Variants in CADPS2 observed in about 807,000 individuals in gnomAD.
The protein encoded by CADPS2 is calcium dependent secretion activator 2, also known as calcium-dependent secretion activator 2.
In CADPS2, 93 loss-of-function variants were observed where a neutral mutation model predicts 172.5. The ratio of observed to expected loss-of-function variants is 0.54; its 90% CI spans 0.46 to 0.64. The LOEUF (loss-of-function observed/expected upper bound fraction) is 0.64, where lower values mean the gene tolerates loss of function less well. CADPS2 is among the 30% of genes least tolerant of loss of function. The pLI, the probability that CADPS2 is intolerant of heterozygous loss-of-function variation, is 0.00. For synonymous variants in CADPS2, 546 were observed against 555.2 expected (o/e 0.98, Z 0.23); for missense variants, 1,420 against 1,565.9 (o/e 0.91, Z 1.57).
At chr7:122,468,486 A>G (rs1328707936) in intron 14 of CADPS2, among the ~76,000 whole-genome samples, 1 of 152,228 alleles carries the variant, frequency 6.6e-6, no homozygotes, top group Non-Finnish European at 1.5e-5. Flanking sequence ...CATGAGGTAC[A>G]GTCCTAACTA....
In CADPS2 at chr7:122,504,936, C is replaced by A. The variant is rs187962065; in HGVS notation, c.1542+8313G>T. Among the ~76,000 whole-genome samples, 920 of 152,146 alleles carry A rather than the reference C, an allele frequency of 6.0e-3. 2 individuals carry two copies. Among genetic ancestry groups the A allele is most frequent in the Non-Finnish European group, 8.6e-3 (586 of 68,006 alleles). On this transcript the variant is annotated intron_variant, in intron 9 of 29. Transcript: ENST00000449022. ...GATGAAGATGTTTGGTGGAAGAATA[C>A]GTAAATTTATAAGAAACTGAGAAAG...
chr7:122,559,435 T>C (rs1265776604), intron 7 of CADPS2, among the ~76,000 whole-genome samples: 1 of 152,086 alleles, frequency 6.6e-6, no homozygotes, highest in Non-Finnish European at 1.5e-5. Flanking sequence ...CAAACACTCA[T>C]TACATTTTCT....
At chr7:122,787,290 G>A (rs1794271051) in intron 1 of CADPS2, among the ~76,000 whole-genome samples, 1 of 152,174 alleles carries the variant, frequency 6.6e-6, no homozygotes, top group Non-Finnish European at 1.5e-5. Context: ...TGACAGCAAT[G>A]TAAAAGTATC....
chr7:122,657,960 G>A (rs902521430), intron 3 of CADPS2, among the ~76,000 whole-genome samples: 2 of 152,022 alleles, frequency 1.3e-5, no homozygotes, highest in Admixed American at 6.6e-5. Flanking sequence ...GCAACCTACA[G>A]AATGGGAGAA....
At chr7:122,757,873 G>A (rs980078685) in intron 1 of CADPS2, among the ~76,000 whole-genome samples, 1 of 151,874 alleles carries the variant, frequency 6.6e-6, no homozygotes, top group African/African-American at 2.4e-5. Flanking sequence ...GACTCAATTA[G>A]TATGGATGTT....
chr7:122,411,821 GACGA>G (rs1049500475), intron 19 of CADPS2, among the ~76,000 whole-genome samples: 34 of 152,258 alleles, frequency 2.2e-4, no homozygotes, highest in African/African-American at 7.7e-4. Flanking sequence ...TTGAGGGACA[GACGA>G]ATGAACAGGT....
chr7:122,678,160 G>A (rs1161219719), intron 2 of CADPS2, among the ~76,000 whole-genome samples: 1 of 152,100 alleles, frequency 6.6e-6, no homozygotes, highest in Non-Finnish European at 1.5e-5. Context: ...GACCAGTGTG[G>A]GATGAAGTTT....
intron 24 of CADPS2, among the ~76,000 whole-genome samples, chr7:122,385,282 G>A (rs549481344): frequency 2.8e-4 from 43 of 151,782 alleles, no homozygotes; most frequent in African/African-American, 9.5e-4. Flanking sequence ...GTATGCTATG[G>A]TAATATAAAT....
intron 1 of CADPS2, among the ~76,000 whole-genome samples, chr7:122,838,992 C>T (rs771300461): frequency 1.3e-5 from 2 of 152,136 alleles, no homozygotes; most frequent in African/African-American, 4.8e-5. Context: ...GCCAAAAGAA[C>T]AAAGCTGGAG....
At chr7:122,461,535 GAA>G (rs2054433321) in intron 14 of CADPS2, among the ~76,000 whole-genome samples, 1 of 152,066 alleles carries the variant, frequency 6.6e-6, no homozygotes, top group African/African-American at 2.4e-5. Context: ...GCATCCAGAG[GAA>G]AAAGAGGAAT....
chr7:122,650,048 A>G (rs1320532454), intron 3 of CADPS2, among the ~76,000 whole-genome samples: 1 of 150,750 alleles, frequency 6.6e-6, no homozygotes, highest in Non-Finnish European at 1.5e-5. Context: ...AGCTGGGATT[A>G]CATGCGCGTG....
intron 14 of CADPS2, among the ~76,000 whole-genome samples, chr7:122,458,155 G>T (rs1024929880): frequency 2.6e-5 from 4 of 152,156 alleles, no homozygotes; most frequent in African/African-American, 9.7e-5. Flanking sequence ...AGTGAGAAGG[G>T]GAGAGACACC....
At chr7:122,557,798 C>T (rs907717963) in intron 7 of CADPS2, among the ~76,000 whole-genome samples, 1 of 152,328 alleles carries the variant, frequency 6.6e-6, no homozygotes, top group South Asian at 2.1e-4. Context: ...CAGTATAGAA[C>T]TGTTGCTAGT....
chr7:122,527,617 A>AGAGT lies in CADPS2; in HGVS notation c.1476-14303_1476-14302insACTC. On this transcript the variant is annotated intron_variant, in intron 8 of 29. Transcript: ENST00000449022. ...GAGAGAGAGAGAGAGAGAGAGAGAG[A>AGAGT]GTGTGTGTGTGTGTGTGTGTGTGTG... Among the ~76,000 whole-genome samples the AGAGT allele has an allele frequency of 7.6e-3, 636 of 83,860 alleles. 2 individuals are homozygous for AGAGT. The highest frequency in any genetic ancestry group is 0.017 in the South Asian group (39 of 2,286). The allele number at this position is 83,860 out of a possible 152,430, so 55.0% of individuals were successfully genotyped here.
At chr7:122,529,652 T>C (rs2131288027) in intron 8 of CADPS2, among the ~76,000 whole-genome samples, 1 of 152,226 alleles carries the variant, frequency 6.6e-6, no homozygotes, top group East Asian at 1.9e-4. Context: ...CCTCCCTGTC[T>C]TTTGGATGGC....
In CADPS2 at chr7:122,707,377, CAACT is replaced by C. The variant is rs2087751116; in HGVS notation, c.453+29574_453+29577del. Among the ~76,000 whole-genome samples, 4 of 152,040 alleles carry C rather than the reference CAACT, an allele frequency of 2.6e-5. No individual in the cohort carries two copies. In the South Asian group the frequency reaches 8.3e-4, roughly 32 times the overall value. ...TAACTATTATTAAGAGAGAAAAAAT[CAACT>C]AACTGACCTCTACCCCTCTGCTATT... is the stretch of plus-strand genomic sequence containing the variant. On this transcript the variant is annotated intron_variant, in intron 2 of 29. Coordinates refer to ENST00000449022, the MANE Select transcript of CADPS2 (RefSeq NM_017954.11).
chr7:122,685,912 T>G (rs952117045), intron 2 of CADPS2, among the ~76,000 whole-genome samples: 1 of 152,190 alleles, frequency 6.6e-6, no homozygotes, highest in African/African-American at 2.4e-5. Context: ...TTGGAGGGCC[T>G]ACATACACTC....
intron 14 of CADPS2, among the ~76,000 whole-genome samples, chr7:122,459,732 T>C (rs1437670697): frequency 1.3e-5 from 2 of 152,140 alleles, no homozygotes; most frequent in African/African-American, 2.4e-5. Context: ...ATATATCACC[T>C]ATAAAATTTG....
chr7:122,680,646 G>A (rs1181041694), intron 2 of CADPS2, among the ~76,000 whole-genome samples: 1 of 152,220 alleles, frequency 6.6e-6, no homozygotes, highest in Admixed American at 6.5e-5. Context: ...TCTGAGAGGT[G>A]GAGGTTGCAG....
Sources: gnomAD v4.1 joint callset for allele counts (sites outside exome capture counted in the v4.1 genomes callset) on GRCh38, gnomAD v4.1.1 for gene constraint, MANE v1.5 for transcripts, NCBI Gene and HGNC (gene_info 2026-07-23, HGNC 2026-07-21) for gene names.